Variants in REEP1 observed in about 807,000 individuals in gnomAD.
REEP1 encodes receptor accessory protein 1, also known as receptor expression-enhancing protein 1.
Under a neutral mutation model 40.3 loss-of-function variants are expected in REEP1, and 22 were observed. The observed-to-expected ratio is 0.55, with a 90% CI of 0.39 to 0.78. The LOEUF (loss-of-function observed/expected upper bound fraction) is 0.78. REEP1 is among the 30% of genes least tolerant of loss of function. REEP1 has a pLI of 0.00. For missense variants in REEP1, 280 were observed against 361.1 expected, an observed-to-expected ratio of 0.78 and a Z score of 1.82; for synonymous variants, 116 against 139.2, an observed-to-expected ratio of 0.83 and a Z score of 1.17.
intron 1 of REEP1, among the ~76,000 whole-genome samples, chr2:86,303,808 C>A (rs1387300305): frequency 6.6e-6 from 1 of 152,082 alleles, no homozygotes; most frequent in African/African-American, 2.4e-5. Flanking sequence ...GAATAAACCC[C>A]AGAAACATGA....
rs1681084542 is a variant in REEP1, at chr2:86,337,153, G to GCAAATCGACCGAGCTGAGGAA, written c.32+305_32+325dup. On this transcript the variant is annotated intron_variant, in intron 1 of 8. Transcript: ENST00000538924. The surrounding 1 kb of genome is among the most constrained non-coding windows in gnomAD (Gnocchi z 5.8). ...CGCGGTGCGCCCATTCGGGGCCTCT[G>GCAAATCGACCGAGCTGAGGAA]CAAATCGACCGAGCTGAGGAACAAA... The GCAAATCGACCGAGCTGAGGAA allele has an allele frequency of 6.0e-6, 1 of 165,504 alleles. No individual in the cohort carries two copies. The highest frequency in any genetic ancestry group is 1.3e-5 in the Non-Finnish European group (1 of 77,086). The allele number at this position is 165,504 out of a possible 1,614,324, so 10.3% of individuals were successfully genotyped here.
chr2:86,329,795 C>T (rs747310693), intron 1 of REEP1, among the ~76,000 whole-genome samples: 7 of 152,264 alleles, frequency 4.6e-5, no homozygotes, highest in South Asian at 2.1e-4. Flanking sequence ...ACCCAACACG[C>T]ACTCGCTGGG....
chr2:86,285,949 A>G (rs1678366939), intron 1 of REEP1, among the ~76,000 whole-genome samples: 1 of 152,128 alleles, frequency 6.6e-6, no homozygotes, highest in African/African-American at 2.4e-5. Context: ...TCCTCCAGAG[A>G]GACCAGGCTC....
intron 6 of REEP1, among the ~76,000 whole-genome samples, chr2:86,229,238 C>T (rs1674881521): frequency 1.3e-5 from 2 of 152,188 alleles, no homozygotes; most frequent in Admixed American, 6.5e-5. Flanking sequence ...TCTATGGTAG[C>T]GACTGCCTGG....
chr2:86,311,671 C>G (rs953754608), intron 1 of REEP1, among the ~76,000 whole-genome samples: 9 of 152,186 alleles, frequency 5.9e-5, no homozygotes, highest in African/African-American at 1.9e-4. Context: ...TAACCCTAAT[C>G]CAGTATGAAC....
chr2:86,218,768 A>C (rs958786771), intron 8 of REEP1, among the ~76,000 whole-genome samples: 10 of 152,218 alleles, frequency 6.6e-5, no homozygotes, highest in Non-Finnish European at 1.0e-4. Context: ...AAAGGGATGC[A>C]TGTGTGCCTC....
intron 1 of REEP1, among the ~76,000 whole-genome samples, chr2:86,310,705 C>CTT (rs1327167723): frequency 8.2e-6 from 1 of 121,422 alleles, no homozygotes; most frequent in East Asian, 2.2e-4. Context: ...CTCTCCTCCC[C>CTT]TTTCTCTCTC....
intron 1 of REEP1, among the ~76,000 whole-genome samples, chr2:86,285,266 T>A (rs150095865): frequency 6.6e-6 from 1 of 152,322 alleles, no homozygotes; most frequent in East Asian, 1.9e-4. Flanking sequence ...CTCTTTTGTT[T>A]TTCCTGATAA....
At chr2:86,275,657 A>T (rs1360541747) in intron 2 of REEP1, among the ~76,000 whole-genome samples, 1 of 152,180 alleles carries the variant, frequency 6.6e-6, no homozygotes, top group Non-Finnish European at 1.5e-5. Flanking sequence ...CACAGAAACC[A>T]CAATGAAGGC....
At chr2:86,334,186 G>C (rs748099674) in intron 1 of REEP1, among the ~76,000 whole-genome samples, 1 of 152,244 alleles carries the variant, frequency 6.6e-6, no homozygotes. Context: ...CTCACGGCCA[G>C]TAGCAGCAGA....
chr2:86,303,628 G>A (rs1296915048), intron 1 of REEP1, among the ~76,000 whole-genome samples: 1 of 152,138 alleles, frequency 6.6e-6, no homozygotes, highest in East Asian at 1.9e-4. Flanking sequence ...GCCTCCCAAA[G>A]TGCTAGTGTT....
intron 1 of REEP1, among the ~76,000 whole-genome samples, chr2:86,302,094 C>T (rs983680394): frequency 6.6e-6 from 1 of 152,252 alleles, no homozygotes; most frequent in Non-Finnish European, 1.5e-5. Context: ...GTGCTGCCTG[C>T]AGCTTGTGCC....
At chr2:86,246,183 G>A (rs1016408127) in intron 5 of REEP1, among the ~76,000 whole-genome samples, 1 of 152,184 alleles carries the variant, frequency 6.6e-6, no homozygotes, top group Non-Finnish European at 1.5e-5. Context: ...AATCAACAAG[G>A]TTTAATGAAT....
At chr2:86,332,059 C>T (rs1006587818) in intron 1 of REEP1, among the ~76,000 whole-genome samples, 8 of 152,040 alleles carry the variant, frequency 5.3e-5, no homozygotes, top group Non-Finnish European at 8.8e-5. Context: ...TTCCTTTTTC[C>T]CTGTATTCCC....
chr2:86,307,030 C>T (rs1573022065), intron 1 of REEP1, among the ~76,000 whole-genome samples: 1 of 152,010 alleles, frequency 6.6e-6, no homozygotes, highest in East Asian at 1.9e-4. Flanking sequence ...CATGGTGAAA[C>T]CCCATCTTTA....
intron 3 of REEP1, among the ~76,000 whole-genome samples, chr2:86,255,185 CT>C (rs1398739975): frequency 1.3e-5 from 2 of 152,300 alleles, no homozygotes; most frequent in African/African-American, 4.8e-5. Flanking sequence ...AGGATCTCTT[CT>C]ACGCTGTACA....
chr2:86,225,019 A>G (rs766446489), intron 7 of REEP1, among the ~76,000 whole-genome samples: 15 of 152,258 alleles, frequency 9.9e-5, no homozygotes, highest in Non-Finnish European at 1.9e-4. Context: ...GTGAATAGAC[A>G]GAAATCCCTG....
At chr2:86,304,336 T>C (rs962201448) in intron 1 of REEP1, among the ~76,000 whole-genome samples, 7 of 152,194 alleles carry the variant, frequency 4.6e-5, no homozygotes, top group Non-Finnish European at 1.0e-4. Flanking sequence ...GAGTCTACTC[T>C]GGATAAGGGG....
intron 2 of REEP1, among the ~76,000 whole-genome samples, chr2:86,276,719 G>A (rs1443653145): frequency 6.6e-6 from 1 of 152,158 alleles, no homozygotes; most frequent in Non-Finnish European, 1.5e-5. Context: ...AGGAACCAAG[G>A]AAATGAGGGT....
Sources: gnomAD v4.1 joint callset for allele counts (sites outside exome capture counted in the v4.1 genomes callset) on GRCh38, gnomAD v4.1.1 for gene constraint, Gnocchi (gnomAD v3.1) non-coding constraint, MANE v1.5 for transcripts, NCBI Gene and HGNC (gene_info 2026-07-23, HGNC 2026-07-21) for gene names.